VPS13B: variants seen among roughly 807,000 people sequenced by gnomAD.
VPS13B encodes intermembrane lipid transfer protein VPS13B.
VPS13B carries 285 observed loss-of-function variants against 426.4 expected under a neutral mutation model. The observed-to-expected ratio is 0.67, with a 90% CI of 0.61 to 0.74. The LOEUF is 0.74. VPS13B is among the 30% of genes least tolerant of loss of function. The pLI is 0.00. For synonymous variants in VPS13B, 1,676 were observed against 1,676.4 expected, an observed-to-expected ratio of 1.00 and a Z score of 0.01; for missense variants, 4,537 against 4,782.6, an observed-to-expected ratio of 0.95 and a Z score of 1.51.
At chr8:99,360,200 C>T (rs1475085874) in intron 19 of VPS13B, among the ~76,000 whole-genome samples, 14 of 40,808 alleles carry the variant, frequency 3.4e-4, no homozygotes, top group Admixed American at 7.3e-4. Context: ...CTCTCTCTCT[C>T]TCTCTCTCTC....
At chr8:99,390,218 C>T (rs939848898) in intron 20 of VPS13B, among the ~76,000 whole-genome samples, 5 of 152,014 alleles carry the variant, frequency 3.3e-5, no homozygotes, top group Non-Finnish European at 7.4e-5. Context: ...CTGCCTCAGC[C>T]TCCCGAGTAG....
At chr8:99,738,351 T>C (rs758580083) in intron 39 of VPS13B, among the ~76,000 whole-genome samples, 2 of 152,232 alleles carry the variant, frequency 1.3e-5, no homozygotes, top group Non-Finnish European at 2.9e-5. Flanking sequence ...CCAACTACTA[T>C]CTTTTTTCTC....
chr8:99,571,682 C>T (rs1452519297), intron 31 of VPS13B, among the ~76,000 whole-genome samples: 6 of 152,082 alleles, frequency 3.9e-5, no homozygotes, highest in Non-Finnish European at 5.9e-5. Context: ...TAGCACTCCC[C>T]TATGAGAGCA....
intron 33 of VPS13B, among the ~76,000 whole-genome samples, chr8:99,609,909 A>T (rs575751370): frequency 1.2e-4 from 18 of 152,340 alleles, no homozygotes; most frequent in Admixed American, 5.2e-4. Flanking sequence ...AACAGGGTGA[A>T]AAACACAAGC....
intron 39 of VPS13B, among the ~76,000 whole-genome samples, chr8:99,763,879 C>T (rs749079888): frequency 1.3e-5 from 2 of 152,182 alleles, no homozygotes; most frequent in Non-Finnish European, 2.9e-5. Flanking sequence ...TATCCATTCT[C>T]CCCTCGTCCT....
In VPS13B at chr8:99,642,250, A is replaced by C. The variant is rs757219665; in HGVS notation, c.5660A>C (p.Lys1887Thr). The change falls in exon 34 of 62, where the codon AAA becomes ACA. Residue 1887 changes from lysine (K) to threonine (T), a missense_variant. Coordinates refer to ENST00000357162, the MANE Select transcript of VPS13B (RefSeq NM_152564.5). ...RSSISFPSGKKIGVLSLESLH... is the reference protein window; with the variant it reads ...RSSISFPSGKTIGVLSLESLH... ...AGCATTTCTTTTCCTTCAGGGAAAA[A>C]AATAGGGGTCCTCTCTCTTGAAAGT... 29 of 1,614,046 alleles carry C rather than the reference A, an allele frequency of 1.8e-5. No homozygotes were observed. Among genetic ancestry groups the C allele is most frequent in the African/African-American group, 4.0e-5 (3 of 74,920 alleles).
At chr8:99,491,518 C>G (rs1158674760) in intron 25 of VPS13B, among the ~76,000 whole-genome samples, 1 of 152,200 alleles carries the variant, frequency 6.6e-6, no homozygotes, top group Non-Finnish European at 1.5e-5. Context: ...TAGATTTGGT[C>G]TTTTCACATA....
chr8:99,646,172 G>T (rs1314654479), intron 34 of VPS13B, among the ~76,000 whole-genome samples: 2 of 152,168 alleles, frequency 1.3e-5, no homozygotes, highest in Non-Finnish European at 2.9e-5. Context: ...AGTGAAAGAA[G>T]TAACATGTCA....
chr8:99,746,857 T>C (rs1336329431), intron 39 of VPS13B, among the ~76,000 whole-genome samples: 1 of 152,146 alleles, frequency 6.6e-6, no homozygotes, highest in African/African-American at 2.4e-5. Flanking sequence ...GTACTTCCCT[T>C]GCCCCAATTC....
At chr8:99,637,869 G>A (rs1829133330) in intron 33 of VPS13B, among the ~76,000 whole-genome samples, 1 of 152,062 alleles carries the variant, frequency 6.6e-6, no homozygotes, top group Admixed American at 6.6e-5. Flanking sequence ...AATGAAAATA[G>A]CTTATAAAGC....
At chr8:99,365,961 G>GT (rs1812855738) in intron 19 of VPS13B, among the ~76,000 whole-genome samples, 1 of 149,490 alleles carries the variant, frequency 6.7e-6, no homozygotes, top group African/African-American at 2.5e-5. Context: ...ATTATCTCAG[G>GT]TTTTTTGTTG....
chr8:99,031,997 C>T (rs1407744897), intron 2 of VPS13B, among the ~76,000 whole-genome samples: 1 of 152,200 alleles, frequency 6.6e-6, no homozygotes, highest in Non-Finnish European at 1.5e-5. Flanking sequence ...TCAGGTAGCT[C>T]CCTATACTGG....
In VPS13B at chr8:99,776,846, C is replaced by A; in HGVS notation, c.7319C>A (p.Thr2440Asn). The A allele has an allele frequency of 6.2e-7, 1 of 1,614,078 alleles. No individual in the cohort carries two copies. Among genetic ancestry groups the A allele is most frequent in the Non-Finnish European group, 8.5e-7 (1 of 1,179,968 alleles). ...ACTCCAACAGCCCTGGCTGCCTGTA[C>A]CAGAGTTGACTCCTGCTTTACCCCA... ...LVTPTALAACTRVDSCFTPWF... is the reference protein window; with the variant it reads ...LVTPTALAACNRVDSCFTPWF... The change falls in exon 41 of 62, where the codon ACC (threonine) becomes AAC (asparagine). Residue 2440 changes from threonine (T) to asparagine (N), a missense_variant. Coordinates refer to ENST00000357162, the MANE Select transcript of VPS13B (RefSeq NM_152564.5).
At chr8:99,757,169 G>A (rs1810681257) in intron 39 of VPS13B, among the ~76,000 whole-genome samples, 2 of 152,090 alleles carry the variant, frequency 1.3e-5, no homozygotes, top group South Asian at 4.1e-4. Context: ...TGGCACCCTG[G>A]GAAGTCTAGA....
At chr8:99,479,352 G>A (rs1044959967) in intron 24 of VPS13B, among the ~76,000 whole-genome samples, 11 of 152,142 alleles carry the variant, frequency 7.2e-5, no homozygotes, top group African/African-American at 2.7e-4. Flanking sequence ...TTTATATTCA[G>A]TCAGCATTCA....
chr8:99,711,471 C>T (rs1221716084), intron 36 of VPS13B, among the ~76,000 whole-genome samples: 7 of 152,052 alleles, frequency 4.6e-5, no homozygotes, highest in Admixed American at 4.6e-4. Flanking sequence ...TAAACAAGCT[C>T]ATGATCAGTG....
intron 3 of VPS13B, among the ~76,000 whole-genome samples, chr8:99,048,246 T>TGA (rs1843333641): frequency 6.6e-6 from 1 of 152,220 alleles, no homozygotes; most frequent in Admixed American, 6.5e-5. Flanking sequence ...TTAAATTTAT[T>TGA]GAGGCTTGTT....
intron 33 of VPS13B, among the ~76,000 whole-genome samples, chr8:99,600,490 A>T (rs1827234698): frequency 6.6e-6 from 1 of 152,188 alleles, no homozygotes; most frequent in Non-Finnish European, 1.5e-5. Flanking sequence ...TTTGCATTTT[A>T]TTGAATTGCA....
At chr8:99,150,367 A>G (rs1018504824) in intron 14 of VPS13B, among the ~76,000 whole-genome samples, 3 of 152,194 alleles carry the variant, frequency 2.0e-5, no homozygotes, top group Non-Finnish European at 4.4e-5. Flanking sequence ...GTTTGTTACA[A>G]TTGATGAACC....
Sources: gnomAD v4.1 joint callset for allele counts (sites outside exome capture counted in the v4.1 genomes callset) on GRCh38, gnomAD v4.1.1 for gene constraint, MANE v1.5 for transcripts, NCBI Gene and HGNC (gene_info 2026-07-23, HGNC 2026-07-21) for gene names.